Variants in XPNPEP2 observed in about 807,000 individuals in gnomAD.
The protein encoded by XPNPEP2 is X-prolyl aminopeptidase 2.
Under a neutral mutation model 59.8 loss-of-function variants are expected in XPNPEP2, and 64 were observed. That is an observed-to-expected ratio of 1.07 (90% CI 0.87 to 1.32). XPNPEP2 has a LOEUF of 1.32. XPNPEP2 is among the 40% of genes most tolerant of loss of function. The pLI, the probability that XPNPEP2 is intolerant of heterozygous loss-of-function variation, is 0.00. For missense variants in XPNPEP2, 575 were observed against 546.8 expected (o/e 1.05, Z -0.51); for synonymous variants, 235 against 210.0 (o/e 1.12, Z -1.03).
chrX:129,742,591 G>C (rs1163301555), intron 2 of XPNPEP2, among the ~76,000 whole-genome samples: 2 of 110,698 alleles, frequency 1.8e-5, no homozygotes, highest in East Asian at 5.7e-4. Context: ...GGAAGAGGGA[G>C]GAAGACAGAG....
rs57433903 is a variant in XPNPEP2 at position 129,757,796 on chromosome X, G to GAAGAAAGAAAGAAAGAAAGA, written c.1367+1286_1367+1305dup. 5.7e-4 allele frequency among the ~76,000 whole-genome samples: 19 copies of GAAGAAAGAAAGAAAGAAAGA among 33,460 alleles called. 1 individual carries two copies. Among genetic ancestry groups the GAAGAAAGAAAGAAAGAAAGA allele is most frequent in the Non-Finnish European group, 7.8e-4 (15 of 19,175 alleles). The allele number at this position is 33,460 out of a possible 115,157, so 29.1% of individuals were successfully genotyped here. On this transcript the variant is annotated intron_variant, in intron 14 of 20. Coordinates refer to ENST00000371106, the MANE Select transcript of XPNPEP2 (RefSeq NM_003399.6). ...AGCAATAAGAGCAAGACTATAAAAGGAAGAAAGAAAGAAAGAAAGAAAGAA... is the reference window on the plus strand; with the variant it reads ...AGCAATAAGAGCAAGACTATAAAAGGAAGAAAGAAAGAAAGAAAGAAAGAAAGAAAGAAAGAAAGAAAGAA...
At chrX:129,746,373 C>T (rs749052932) in intron 5 of XPNPEP2, 33 bp downstream of exon 5, 33 of 1,162,898 alleles carry the variant, frequency 2.8e-5, no homozygotes, top group Non-Finnish European at 3.6e-5. Flanking sequence ...TTCCCCAAGT[C>T]TTGGGACCTG....
Position 129,741,861 on chromosome X carries a change from C to T in XPNPEP2, c.50-247C>T, listed in dbSNP as rs773810591. Among the ~76,000 whole-genome samples, 3 of 112,683 alleles carry T rather than the reference C, an allele frequency of 2.7e-5. No individual in the cohort carries two copies. In the South Asian group the frequency reaches 1.1e-3, roughly 41 times the overall value. On this transcript the variant is annotated intron_variant, in intron 1 of 20. Coordinates refer to ENST00000371106, the MANE Select transcript of XPNPEP2 (RefSeq NM_003399.6). ...AGAAGAAAAATTGATTTAATGAGCA[C>T]TAAAACCCATCCAAAAGTGGCAATC... is the stretch of plus-strand genomic sequence containing the variant.
chrX:129,740,597 C>A (rs1409942337), intron 1 of XPNPEP2, among the ~76,000 whole-genome samples: 1 of 107,154 alleles, frequency 9.3e-6, no homozygotes, highest in Admixed American at 9.9e-5. Flanking sequence ...CCACTGCACT[C>A]CAGCCTGGGC....
At chrX:129,747,492 G>A in intron 6 of XPNPEP2, 115 bp from the exon 7 acceptor site, 1 of 1,057,716 alleles carries the variant, frequency 9.5e-7, no homozygotes, top group Admixed American at 2.5e-5. Context: ...GCAGGCTCCG[G>A]GCAGCTGGGC....
rs1926298523 is a variant in XPNPEP2 at position 129,746,437 on chromosome X, C to A, written c.403+97C>A. 5.2e-6 allele frequency: 5 copies of A among 967,391 alleles called. No homozygotes were observed. In the Admixed American group the frequency reaches 9.2e-5, roughly 18 times the overall value. 79.7% of individuals were successfully genotyped at this position (967,391 alleles called of 1,213,427 possible). On this transcript the variant is annotated intron_variant, in intron 5 of 20. Coordinates refer to ENST00000371106, the MANE Select transcript of XPNPEP2 (RefSeq NM_003399.6). ...GCGTGCATGTAAGACCATGCTGGGC[C>A]TCTATGGGGAGCTTAGGAAATTTGA...
At chrX:129,746,734 G>C in intron 6 of XPNPEP2, 53 bp downstream of exon 6, 1 of 1,078,663 alleles carries the variant, frequency 9.3e-7, no homozygotes, top group Non-Finnish European at 1.3e-6. Context: ...GGGTGACTCA[G>C]CTTCCCTAGG....
intron 18 of XPNPEP2, 41 bp from the exon 19 acceptor site, chrX:129,762,653 C>T (rs1926679448): frequency 1.7e-6 from 2 of 1,170,828 alleles, no homozygotes; most frequent in African/African-American, 1.8e-5. Flanking sequence ...GGCTTGGGCC[C>T]TCTCCCAGCT....
At chrX:129,748,763 T>C (rs182601446) in intron 7 of XPNPEP2, among the ~76,000 whole-genome samples, 1 of 111,540 alleles carries the variant, frequency 9.0e-6, no homozygotes, top group Admixed American at 9.5e-5. Context: ...ATAAAGAAAG[T>C]CAAAGTTATG....
intron 1 of XPNPEP2, among the ~76,000 whole-genome samples, chrX:129,741,115 C>T (rs1427859573): frequency 4.8e-5 from 5 of 103,431 alleles, no homozygotes; most frequent in African/African-American, 1.5e-4. Context: ...GCCTGGAGAA[C>T]TTAGTCCAGT....
intron 19 of XPNPEP2, among the ~76,000 whole-genome samples, chrX:129,765,635 CTTTTTTT>C (rs56014067): frequency 3.0e-5 from 2 of 67,341 alleles, no homozygotes; most frequent in Admixed American, 3.4e-4. Context: ...TTCTTTCTTT[CTTTTTTT>C]TTTTTTTTTT....
At chrX:129,758,465 A>G (rs1243877036) in intron 14 of XPNPEP2, among the ~76,000 whole-genome samples, 1 of 111,490 alleles carries the variant, frequency 9.0e-6, no homozygotes, top group Non-Finnish European at 1.9e-5. Flanking sequence ...TCACCAAGGC[A>G]TGATCACAGG....
chrX:129,754,552 G>A lies in XPNPEP2; in HGVS notation c.1188G>A (p.Ser396=), dbSNP rs145126121. The change falls in exon 12 of 21, where the codon TCG becomes TCA. Residue 396 remains serine (S), a synonymous_variant. Coordinates refer to ENST00000371106, the MANE Select transcript of XPNPEP2 (RefSeq NM_003399.6). ...NVPKGTVDEF[S]GAEIVDKFRG... is the part of the protein sequence containing the mutation. ...CCAAAGGCACAGTGGATGAGTTCTC[G>A]GGGGCAGAGATCGTGGACAAGTTCC... The A allele has an allele frequency of 6.2e-4, 733 of 1,189,283 alleles. 1 individual carries two copies. The highest frequency in any genetic ancestry group is 8.0e-4 in the Non-Finnish European group (704 of 885,223).
chrX:129,751,958 C>A, intron 9 of XPNPEP2, 132 bp downstream of exon 9: 1 of 808,163 alleles, frequency 1.2e-6, no homozygotes, highest in Non-Finnish European at 1.8e-6. Context: ...CAGCACGACC[C>A]TTTAGAAAAC....
Position 129,746,317 on chromosome X carries a change from G to A in XPNPEP2, c.380G>A (p.Cys127Tyr). ...YWTQAERQMD[C>Y]NWELHKEVGT... The stretch of plus-strand genomic sequence containing the variant: ...ACTCAGGCTGAGCGGCAGATGGACT[G>A]CAACTGGGAGCTCCATAAGGAAGGT... Residue 127 changes from cysteine (C) to tyrosine (Y), a missense_variant, in exon 5 of 21, where the codon TGC becomes TAC. Cys to Tyr is a radical substitution (Grantham distance 194, BLOSUM62 -2). Transcript: ENST00000371106. 8.3e-7 allele frequency: 1 copy of A among 1,210,136 alleles called. No homozygotes were observed. Among genetic ancestry groups the A allele is most frequent in the Non-Finnish European group, 1.1e-6 (1 of 895,074 alleles).
chrX:129,739,104 AC>A lies in XPNPEP2; in HGVS notation c.-107del. ...CGCCTCCTTCTTGACGCCAGCCCCC[AC>A]CCTCTGTCTGCTCGAGCCCAGGAAA... On this transcript the variant is annotated 5_prime_UTR_variant, in exon 1 of 21. Coordinates refer to ENST00000371106, the MANE Select transcript of XPNPEP2 (RefSeq NM_003399.6). 1 of 804,290 alleles carries A rather than the reference AC, an allele frequency of 1.2e-6. No individual in the cohort carries two copies. The allele number at this position is 804,290 out of a possible 1,213,427, so 66.3% of individuals were successfully genotyped here. A position where few individuals can be genotyped will look rare whatever the true frequency, so the allele number is the denominator to read the frequency against.
intron 2 of XPNPEP2, 90 bp downstream of exon 2, chrX:129,742,271 C>A: frequency 2.1e-6 from 1 of 487,053 alleles, no homozygotes; most frequent in Non-Finnish European, 3.4e-6. Context: ...GCAGCACCCC[C>A]GCCCTGCTCT....
rs774542032 is a variant in XPNPEP2 at position 129,747,715 on chromosome X, C to T, written c.599C>T (p.Pro200Leu). The T allele has an allele frequency of 2.5e-6, 3 of 1,210,536 alleles. No homozygotes were observed. In the East Asian group the frequency reaches 8.9e-5, roughly 36 times the overall value. The change falls in exon 7 of 21, where the codon CCA becomes CTA. Residue 200 changes from proline to leucine, a missense_variant. Pro to Leu is a moderately conservative substitution (Grantham distance 98). Coordinates refer to ENST00000371106, the MANE Select transcript of XPNPEP2 (RefSeq NM_003399.6). ...TGGGGATCAGAGAGGCCACCGGTTC[C>T]AAATCAACCCATTTATGCCCTGCAG... ...LVWGSERPPVPNQPIYALQEA... is the reference protein window; with the variant it reads ...LVWGSERPPVLNQPIYALQEA...
chrX:129,758,220 A>C (rs981175384), intron 14 of XPNPEP2, among the ~76,000 whole-genome samples: 1 of 112,038 alleles, frequency 8.9e-6, no homozygotes, highest in Non-Finnish European at 1.9e-5. Context: ...GCAGGCGCTC[A>C]GCTTAGCAGC....
Sources: gnomAD v4.1 joint callset for allele counts (sites outside exome capture counted in the v4.1 genomes callset) on GRCh38, gnomAD v4.1.1 for gene constraint, MANE v1.5 for transcripts, NCBI Gene and HGNC (gene_info 2026-07-23, HGNC 2026-07-21) for gene names.